Variants in HERC2 observed in about 807,000 individuals in gnomAD.
HERC2 encodes E3 ubiquitin-protein ligase HERC2.
Under a neutral mutation model 537.7 loss-of-function variants are expected in HERC2, and 102 were observed. That is an observed-to-expected ratio of 0.19 (90% confidence interval 0.16 to 0.22). HERC2 has a LOEUF of 0.22. Ranked by LOEUF, HERC2 falls within the 10% of genes least tolerant of loss-of-function variation. HERC2 has a pLI of 1.00. For synonymous variants in HERC2, 2,224 were observed against 2,466.2 expected, an observed-to-expected ratio of 0.90 and a Z score of 2.91; for missense variants, 4,236 against 6,198.2, an observed-to-expected ratio of 0.68 and a Z score of 10.63.
Position 28,220,610 on chromosome 15 carries a change from C to T in HERC2, c.5687G>A (p.Gly1896Asp), listed in dbSNP as rs747905874. The T allele has an allele frequency of 1.2e-6, 2 of 1,604,078 alleles. No individual in the cohort carries two copies. The highest frequency in any genetic ancestry group is 2.2e-5 in the South Asian group (2 of 90,998). ...GPPPGLGRVIGELGEDGWIRV... is the reference protein window; with the variant it reads ...GPPPGLGRVIDELGEDGWIRV... ...TATCCATCCGTCCTCTCCCAGCTCA[C>T]CAATCACGCGGCCTAGGCCTGGAGG... The change falls in exon 37 of 93, where the codon GGT becomes GAT. Residue 1896 changes from glycine to aspartate, a missense_variant. Coordinates refer to ENST00000261609, the MANE Select transcript of HERC2 (RefSeq NM_004667.6).
intron 35 of HERC2, among the ~76,000 whole-genome samples, chr15:28,225,710 A>G (rs1309759724): frequency 2.0e-5 from 3 of 151,514 alleles, no homozygotes; most frequent in South Asian, 4.2e-4. Context: ...AAAAAAAAAA[A>G]AAAAAGAAAG....
In HERC2 at chr15:28,268,518, C is replaced by T. The variant is rs752964669; in HGVS notation, c.1545G>A (p.Glu515=). 6.2e-7 allele frequency: 1 copy of T among 1,614,162 alleles called. No homozygotes were observed. The highest frequency in any genetic ancestry group is 1.1e-5 in the South Asian group (1 of 91,074). ...HHYLALAATG[E]VYSWGCGDGG... is the part of the protein sequence containing the mutation. ...CGTCCCCACAGCCCCAGGAGTACAC[C>T]TCTCCAGTAGCAGCCAAGGCTAGGT... is the stretch of plus-strand genomic sequence containing the variant. The change falls in exon 12 of 93, where the codon GAG becomes GAA. Residue 515 remains glutamate (E), a synonymous_variant. Transcript: ENST00000261609. This position sits in a 1 kb window ranked among gnomAD's most constrained non-coding sequence, Gnocchi z 4.7.
intron 4 of HERC2, among the ~76,000 whole-genome samples, chr15:28,290,684 A>T (rs1437095972): frequency 6.6e-6 from 1 of 152,242 alleles, no homozygotes; most frequent in Admixed American, 6.5e-5. Flanking sequence ...AATACTTGGA[A>T]ATGAAATAAC....
chr15:28,159,754 G>T (rs1467493201), intron 69 of HERC2, among the ~76,000 whole-genome samples: 1 of 152,204 alleles, frequency 6.6e-6, no homozygotes, highest in Non-Finnish European at 1.5e-5. Context: ...TCTCCTTCCA[G>T]CTTTGTTCCA....
rs1407103933 is a variant in HERC2 at position 28,177,780 on chromosome 15, A to G, written c.9164-271T>C. On this transcript the variant is annotated intron_variant, in intron 59 of 92. Coordinates refer to ENST00000261609, the MANE Select transcript of HERC2 (RefSeq NM_004667.6). This position sits in a 1 kb window ranked among gnomAD's most constrained non-coding sequence, Gnocchi z 5.0. ...AATACTGATTATTAATGGGGTTCCT[A>G]TTATGTTAAATACACGAAAAATCAA... Among the ~76,000 whole-genome samples, 2 of 152,246 alleles carry G rather than the reference A, an allele frequency of 1.3e-5. No homozygotes were observed. Among genetic ancestry groups the G allele is most frequent in the African/African-American group, 4.8e-5 (2 of 41,462 alleles).
Position 28,141,782 on chromosome 15 carries a change from T to C in HERC2, c.11765A>G (p.His3922Arg). 1.2e-6 allele frequency: 2 copies of C among 1,614,234 alleles called. No individual in the cohort carries two copies. The highest frequency in any genetic ancestry group is 1.1e-5 in the South Asian group (1 of 91,084). Residue 3922 changes from histidine (H) to arginine (R), a missense_variant, in exon 77 of 93, where the codon CAT (histidine) becomes CGT (arginine). Physicochemically the swap from His to Arg is conservative, Grantham distance 29. Around this residue, in one of 27 missense-constraint regions of HERC2, gnomAD observed 156 missense variants for 172.3 expected, o/e 0.91. Coordinates refer to ENST00000261609, the MANE Select transcript of HERC2 (RefSeq NM_004667.6). ...GTCTTGCTCTCTTTTAAAAATGTCA[T>C]GGCTCTCATGCAGAACATCCATGTT... is the stretch of plus-strand genomic sequence containing the variant. Reference protein sequence around the residue: ...SENMDVLHESHDIFKREQDEQ... With the variant: ...SENMDVLHESRDIFKREQDEQ...
At chr15:28,253,689 C>A (rs2075157886) in intron 20 of HERC2, among the ~76,000 whole-genome samples, 1 of 152,218 alleles carries the variant, frequency 6.6e-6, no homozygotes, top group Admixed American at 6.5e-5. Context: ...AGGCCGGGAA[C>A]AGTGGCTTAC....
intron 76 of HERC2, 32 bp downstream of exon 76, chr15:28,142,206 C>T (rs757107769): frequency 1.9e-6 from 3 of 1,600,734 alleles, no homozygotes; most frequent in South Asian, 2.2e-5. Flanking sequence ...GTTTTTGCAT[C>T]CCAAAAGTGA....
At chr15:28,314,532 TA>T (rs1293452962) in intron 2 of HERC2, among the ~76,000 whole-genome samples, 11 of 151,616 alleles carry the variant, frequency 7.3e-5, no homozygotes, top group African/African-American at 2.2e-4. Context: ...AAAGTGATTT[TA>T]TATTTTTCAA....
At position 28,233,559 on chromosome 15, in the gene HERC2, G is replaced by C. The variant is rs764595086; in HGVS notation, c.4354C>G (p.His1452Asp). 6 of 1,613,290 alleles carry C rather than the reference G, an allele frequency of 3.7e-6. No individual in the cohort carries two copies. In the East Asian group the frequency reaches 1.1e-4, roughly 30 times the overall value. ...GCATGAACTAAAGATAATGCCACAT[G>C]ACCTGTAAAAAGACATTTAAAAGAA... The part of the protein sequence containing the change: ...CCLLKHEDLG[H>D]VALSLVHAGA... The change falls in exon 29 of 93, where the codon CAT becomes GAT. Residue 1452 changes from histidine (H) to aspartate (D), a missense_variant and splice_region_variant. His to Asp is a moderately conservative substitution (Grantham distance 81, BLOSUM62 -1). Coordinates refer to ENST00000261609, the MANE Select transcript of HERC2 (RefSeq NM_004667.6).
intron 69 of HERC2, among the ~76,000 whole-genome samples, chr15:28,158,875 C>T (rs1318223794): frequency 2.6e-5 from 4 of 152,056 alleles, no homozygotes; most frequent in African/African-American, 9.7e-5. Context: ...TGGTTGGTAC[C>T]GGTTGTTCCT....
chr15:28,159,566 ATGGTTT>A (rs1893361513), intron 69 of HERC2, among the ~76,000 whole-genome samples: 1 of 152,172 alleles, frequency 6.6e-6, no homozygotes, highest in South Asian at 2.1e-4. Flanking sequence ...TTCTCATGCC[ATGGTTT>A]TCAGCTCCAT....
chr15:28,245,560 AATAT>A (rs1202469399), intron 23 of HERC2, among the ~76,000 whole-genome samples: 41 of 98,778 alleles, frequency 4.2e-4, no homozygotes, highest in African/African-American at 1.5e-3. Flanking sequence ...AAAAAAAAAA[AATAT>A]ATACACACAC....
intron 85 of HERC2, 37 bp downstream of exon 85, chr15:28,124,000 C>T: frequency 1.3e-6 from 2 of 1,510,588 alleles, no homozygotes; most frequent in Admixed American, 4.0e-5. Flanking sequence ...ACTGAAGACA[C>T]CAGTTTCCCC....
At chr15:28,236,338 T>G (rs565196320) in intron 26 of HERC2, among the ~76,000 whole-genome samples, 58 of 152,246 alleles carry the variant, frequency 3.8e-4, no homozygotes, top group Non-Finnish European at 6.9e-4. Flanking sequence ...TCACCAAGGC[T>G]GGAGTGCAGT....
chr15:28,127,629 A>G (rs1182424680), intron 83 of HERC2, among the ~76,000 whole-genome samples: 1 of 152,176 alleles, frequency 6.6e-6, no homozygotes, highest in African/African-American at 2.4e-5. Flanking sequence ...TCTCAAGGCC[A>G]TTCTCCTCCA....
At position 28,268,198 on chromosome 15, in the gene HERC2, G is replaced by A. The variant is rs916563341; in HGVS notation, c.1598+267C>T. On this transcript the variant is annotated intron_variant, in intron 12 of 92. Coordinates refer to ENST00000261609, the MANE Select transcript of HERC2 (RefSeq NM_004667.6). The surrounding 1 kb of genome is among the most constrained non-coding windows in gnomAD (Gnocchi z 4.7). ...GATTTGTTTTGGCAAACTCCACAGT[G>A]GGGATGCAGTTTGAGTAGATAGAAG... is the stretch of plus-strand genomic sequence containing the variant. Among the ~76,000 whole-genome samples the A allele has an allele frequency of 6.6e-6, 1 of 152,166 alleles. No homozygotes were observed. The highest frequency in any genetic ancestry group is 2.4e-5 in the African/African-American group (1 of 41,432).
intron 86 of HERC2, among the ~76,000 whole-genome samples, chr15:28,118,633 G>T (rs1888540185): frequency 6.6e-6 from 1 of 152,220 alleles, no homozygotes; most frequent in Non-Finnish European, 1.5e-5. Context: ...CCAGACAGCT[G>T]TGAGAGTCCC....
intron 16 of HERC2, among the ~76,000 whole-genome samples, chr15:28,258,638 A>C (rs1189665954): frequency 6.6e-6 from 1 of 152,220 alleles, no homozygotes. Context: ...TTACAAAAAA[A>C]AGATAGGTCT....
Sources: allele counts gnomAD v4.1 joint callset (sites outside exome capture counted in the v4.1 genomes callset), GRCh38; gene constraint gnomAD v4.1.1; regional missense constraint gnomAD v4.1.1; non-coding constraint Gnocchi (gnomAD v3.1); transcripts MANE v1.5; gene names NCBI Gene and HGNC (gene_info 2026-07-23, HGNC 2026-07-21).